ITPR1: variants seen among roughly 807,000 people sequenced by gnomAD.
ITPR1 encodes inositol 1,4,5-trisphosphate receptor type 1.
In ITPR1, 96 loss-of-function variants were observed where a neutral mutation model predicts 318.4. That is an observed-to-expected ratio of 0.30 (90% CI 0.26 to 0.36). The LOEUF (loss-of-function observed/expected upper bound fraction) is 0.36. Among genes scored for constraint, ITPR1 ranks in the 10% least tolerant of loss-of-function variants. ITPR1 has a pLI of 1.00. For missense variants in ITPR1, 2,440 were observed against 3,460.2 expected, an observed-to-expected ratio of 0.71 and a Z score of 7.40; for synonymous variants, 1,312 against 1,289.9, an observed-to-expected ratio of 1.02 and a Z score of -0.37.
intron 10 of ITPR1, among the ~76,000 whole-genome samples, chr3:4,651,055 C>T (rs7614107): frequency 0.8 from 122,164 of 152,066 alleles, 49,925 homozygotes; most frequent in East Asian, 1. Flanking sequence ...GGTTAACTCC[C>T]CTTCCAAGAT....
Position 4,844,123 on chromosome 3 carries a change from A to AT in ITPR1, c.8191-1999dup, listed in dbSNP as rs34975561. The stretch of plus-strand genomic sequence containing the variant: ...TTCAATAAGGGTTGAGCAGACCAAG[A>AT]TTTTTTTTTTTTTTTTTCCAAGACA... On this transcript the variant is annotated intron_variant, in intron 61 of 61. Coordinates refer to ENST00000649015, the MANE Select transcript of ITPR1 (RefSeq NM_001378452.1). 9.5e-4 allele frequency among the ~76,000 whole-genome samples: 134 copies of AT among 140,486 alleles called. 1 individual carries two copies. Among genetic ancestry groups the AT allele is most frequent in the South Asian group, 2.3e-3 (10 of 4,436 alleles). 92.2% of individuals were successfully genotyped at this position (140,486 alleles called of 152,430 possible).
intron 4 of ITPR1, among the ~76,000 whole-genome samples, chr3:4,617,025 C>A (rs929199529): frequency 6.6e-6 from 1 of 151,832 alleles, no homozygotes; most frequent in Non-Finnish European, 1.5e-5. Flanking sequence ...GATCAGAGAA[C>A]CTATGTGAGA....
In ITPR1 at chr3:4,782,720, C is replaced by T. The variant is rs2046914566; in HGVS notation, c.6489C>T (p.Asn2163=). Residue 2163 remains asparagine, a synonymous_variant, in exon 50 of 62, where the codon AAC becomes AAT. Coordinates refer to ENST00000649015, the MANE Select transcript of ITPR1 (RefSeq NM_001378452.1). ...GAASPRNVGH[N]IYILAHQLAR... ...CGTCCCCCAGGAACGTGGGGCACAACATCTACATATTAGCCCATCAGGTAT... is the reference window on the plus strand; with the variant it reads ...CGTCCCCCAGGAACGTGGGGCACAATATCTACATATTAGCCCATCAGGTAT... 3.8e-6 allele frequency: 6 copies of T among 1,582,128 alleles called. No individual in the cohort carries two copies. The highest frequency in any genetic ancestry group is 5.2e-6 in the Non-Finnish European group (6 of 1,163,602).
At chr3:4,808,863 C>G (rs530746787) in intron 55 of ITPR1, among the ~76,000 whole-genome samples, 7 of 152,268 alleles carry the variant, frequency 4.6e-5, no homozygotes, top group Non-Finnish European at 8.8e-5. Flanking sequence ...TGCTGCCCCC[C>G]CTCCCCCACA....
chr3:4,792,139 C>T (rs1401514497), intron 52 of ITPR1, among the ~76,000 whole-genome samples: 1 of 152,110 alleles, frequency 6.6e-6, no homozygotes, highest in Non-Finnish European at 1.5e-5. Context: ...TGCTACTGAC[C>T]CTCCTGTTCC....
intron 53 of ITPR1, among the ~76,000 whole-genome samples, chr3:4,799,590 T>C (rs990132692): frequency 6.6e-6 from 1 of 152,154 alleles, no homozygotes; most frequent in Non-Finnish European, 1.5e-5. Context: ...TAGTGCTGCT[T>C]GTTTACATCT....
At chr3:4,582,532 T>G (rs574496962) in intron 4 of ITPR1, among the ~76,000 whole-genome samples, 3 of 152,138 alleles carry the variant, frequency 2.0e-5, no homozygotes, top group Non-Finnish European at 4.4e-5. Context: ...TCTGCTGAGA[T>G]TTGTGTTATC....
chr3:4,841,423 A>C (rs1198900068), intron 61 of ITPR1, among the ~76,000 whole-genome samples: 1 of 152,234 alleles, frequency 6.6e-6, no homozygotes, highest in Non-Finnish European at 1.5e-5. Context: ...AATGCATGGC[A>C]TGCTCAAGGA....
chr3:4,699,300 T>A (rs2094605792), intron 34 of ITPR1, among the ~76,000 whole-genome samples: 3 of 151,716 alleles, frequency 2.0e-5, no homozygotes, highest in African/African-American at 7.3e-5. Flanking sequence ...AAGGCCACAG[T>A]GGGCCAAGAT....
chr3:4,590,019 C>G (rs1043845466), intron 4 of ITPR1, among the ~76,000 whole-genome samples: 1 of 152,094 alleles, frequency 6.6e-6, no homozygotes, highest in African/African-American at 2.4e-5. Context: ...CTTAATGTTC[C>G]TCCTGCCTAG....
chr3:4,649,560 C>T (rs531477978), intron 10 of ITPR1, among the ~76,000 whole-genome samples: 2 of 152,300 alleles, frequency 1.3e-5, no homozygotes, highest in South Asian at 2.1e-4. Flanking sequence ...TACTTCCTAT[C>T]TCTGTAGATT....
chr3:4,764,979 TGG>T, intron 44 of ITPR1, among the ~76,000 whole-genome samples: 1 of 150,558 alleles, frequency 6.6e-6, no homozygotes, highest in Non-Finnish European at 1.5e-5. Flanking sequence ...GATGGATGGA[TGG>T]ATGGATGGGT....
intron 4 of ITPR1, among the ~76,000 whole-genome samples, chr3:4,574,143 A>G (rs912881554): frequency 2.0e-5 from 3 of 151,934 alleles, no homozygotes; most frequent in Non-Finnish European, 4.4e-5. Context: ...GCTAGAAATA[A>G]TTTATGGGCT....
At chr3:4,763,243 A>G (rs1412725968) in intron 44 of ITPR1, among the ~76,000 whole-genome samples, 1 of 152,206 alleles carries the variant, frequency 6.6e-6, no homozygotes, top group African/African-American at 2.4e-5. Flanking sequence ...AAAAGAGCTA[A>G]TGCATGCTGG....
At chr3:4,708,236 T>G (rs986772585) in intron 37 of ITPR1, among the ~76,000 whole-genome samples, 1 of 152,218 alleles carries the variant, frequency 6.6e-6, no homozygotes, top group African/African-American at 2.4e-5. Context: ...CAATTCCAGC[T>G]AGATTATTCC....
chr3:4,825,794 G>A (rs1245580684), intron 60 of ITPR1: 2 of 456,816 alleles, frequency 4.4e-6, no homozygotes, highest in East Asian at 1.4e-4. Context: ...TTCTGAAGTT[G>A]GGGACAACAG....
chr3:4,507,140 T>C (rs547727551), intron 2 of ITPR1, among the ~76,000 whole-genome samples: 1 of 152,016 alleles, frequency 6.6e-6, no homozygotes, highest in Non-Finnish European at 1.5e-5. Context: ...GAGGTCTGGT[T>C]TCACAGAACA....
intron 2 of ITPR1, among the ~76,000 whole-genome samples, chr3:4,515,260 C>A (rs902626755): frequency 1.4e-4 from 21 of 152,212 alleles, no homozygotes; most frequent in African/African-American, 5.1e-4. Context: ...TCATGCTGAT[C>A]ATTGCTGCAT....
intron 16 of ITPR1, among the ~76,000 whole-genome samples, chr3:4,664,120 T>G (rs547080733): frequency 6.6e-6 from 1 of 152,374 alleles, no homozygotes; most frequent in Admixed American, 6.5e-5. Flanking sequence ...ACCTTAAGGT[T>G]ATTTCATACA....
Sources: allele counts gnomAD v4.1 joint callset (sites outside exome capture counted in the v4.1 genomes callset), GRCh38; gene constraint gnomAD v4.1.1; transcripts MANE v1.5; gene names NCBI Gene and HGNC (gene_info 2026-07-23, HGNC 2026-07-21).